The following THRB variants were observed in gnomAD, a reference collection of about 807,000 sequenced individuals.
THRB encodes the protein nuclear receptor subfamily 1 group A member 2.
THRB carries 12 observed loss-of-function variants against 47.8 expected under a neutral mutation model. The ratio of observed to expected loss-of-function variants is 0.25; its 90% CI spans 0.16 to 0.41. The LOEUF (loss-of-function observed/expected upper bound fraction) is 0.41, where lower values mean the gene tolerates loss of function less well. Ranked by LOEUF, THRB falls within the 10% of genes least tolerant of loss-of-function variation. The probability of loss-of-function intolerance (pLI) is 1.00; values close to 1 mark genes in which losing one functional copy is unlikely to be tolerated. For missense variants in THRB, 348 were observed against 589.2 expected, an observed-to-expected ratio of 0.59 and a Z score of 4.24; for synonymous variants, 218 against 212.2, an observed-to-expected ratio of 1.03 and a Z score of -0.24.
chr3:24,436,747 A>G (rs1372424688), intron 1 of THRB, among the ~76,000 whole-genome samples: 2 of 152,088 alleles, frequency 1.3e-5, no homozygotes, highest in African/African-American at 4.8e-5. Flanking sequence ...ACATCTAACC[A>G]CCTGGGCCAA....
At chr3:24,243,563 C>T (rs1361957308) in intron 3 of THRB, among the ~76,000 whole-genome samples, 2 of 152,110 alleles carry the variant, frequency 1.3e-5, no homozygotes. Flanking sequence ...ACCTGAAGTT[C>T]TCGGGATGCC....
Position 24,122,720 on chromosome 3 carries a change from G to T in THRB, c.*164C>A. 1 of 900,856 alleles carries T rather than the reference G, an allele frequency of 1.1e-6. No individual in the cohort carries two copies. Among genetic ancestry groups the T allele is most frequent in the Non-Finnish European group, 1.7e-6 (1 of 577,706 alleles). 55.8% of individuals were successfully genotyped at this position (900,856 alleles called of 1,614,324 possible). A position where few individuals can be genotyped will look rare whatever the true frequency, so the allele number is the denominator to read the frequency against. ...CGAAATGCAATAGTTTCAAGTACCC[G>T]CATTCAAGGGGCAATTTCATCCATG... is the stretch of plus-strand genomic sequence containing the variant. On this transcript the variant is annotated 3_prime_UTR_variant, in exon 11 of 11. Transcript: ENST00000646209.
intron 4 of THRB, among the ~76,000 whole-genome samples, chr3:24,213,008 T>C (rs1465642649): frequency 6.6e-6 from 1 of 152,004 alleles, no homozygotes; most frequent in Non-Finnish European, 1.5e-5. Context: ...TTAAGCGGAG[T>C]GAGCAACTCT....
chr3:24,344,431 A>G (rs1244533257), intron 1 of THRB, among the ~76,000 whole-genome samples: 1 of 152,120 alleles, frequency 6.6e-6, no homozygotes, highest in Non-Finnish European at 1.5e-5. Context: ...CTTGTAGTTG[A>G]TCAACAAGAA....
intron 2 of THRB, among the ~76,000 whole-genome samples, chr3:24,310,458 A>C (rs1398514510): frequency 6.6e-6 from 1 of 152,232 alleles, no homozygotes; most frequent in African/African-American, 2.4e-5. Flanking sequence ...GCTCTACAGC[A>C]GTGATTCTCA....
chr3:24,444,601 C>T (rs1259174761), intron 1 of THRB, among the ~76,000 whole-genome samples: 1 of 152,112 alleles, frequency 6.6e-6, no homozygotes, highest in Non-Finnish European at 1.5e-5. Context: ...CAAAGTACAA[C>T]AAGTTTTGTT....
At chr3:24,277,633 G>C (rs1347257853) in intron 3 of THRB, among the ~76,000 whole-genome samples, 1 of 152,090 alleles carries the variant, frequency 6.6e-6, no homozygotes, top group Non-Finnish European at 1.5e-5. Flanking sequence ...ATCTATACAA[G>C]ATTTTGGGTG....
At chr3:24,264,155 C>T (rs966975530) in intron 3 of THRB, among the ~76,000 whole-genome samples, 1 of 152,186 alleles carries the variant, frequency 6.6e-6, no homozygotes, top group African/African-American at 2.4e-5. Flanking sequence ...TCCTCACTCA[C>T]TCCATTCTAG....
intron 2 of THRB, among the ~76,000 whole-genome samples, chr3:24,310,935 A>G (rs1337452072): frequency 6.6e-6 from 1 of 152,194 alleles, no homozygotes; most frequent in Non-Finnish European, 1.5e-5. Context: ...TAATAGGTAA[A>G]ACAAGAGCTA....
chr3:24,262,618 C>T (rs915618683), intron 3 of THRB, among the ~76,000 whole-genome samples: 1 of 152,198 alleles, frequency 6.6e-6, no homozygotes, highest in Non-Finnish European at 1.5e-5. Flanking sequence ...CAAAGCTTCT[C>T]TCCCAGATAC....
intron 1 of THRB, among the ~76,000 whole-genome samples, chr3:24,386,643 T>C (rs2066130515): frequency 6.6e-6 from 1 of 152,264 alleles, no homozygotes; most frequent in East Asian, 1.9e-4. Context: ...AACAGTTCCC[T>C]TCAGTTTGAA....
At chr3:24,168,490 AATAT>A (rs370230507) in intron 5 of THRB, among the ~76,000 whole-genome samples, 7 of 137,900 alleles carry the variant, frequency 5.1e-5, no homozygotes, top group South Asian at 2.4e-4. Flanking sequence ...TTCAATCAAT[AATAT>A]ATATATATAT....
intron 1 of THRB, among the ~76,000 whole-genome samples, chr3:24,382,405 A>G (rs2065782330): frequency 6.6e-6 from 1 of 152,160 alleles, no homozygotes; most frequent in Non-Finnish European, 1.5e-5. Flanking sequence ...ATAAGGAAAA[A>G]TATCATTAAA....
chr3:24,373,280 A>C lies in THRB; in HGVS notation c.-260-35909T>G, dbSNP rs138715584. Among the ~76,000 whole-genome samples the C allele has an allele frequency of 9.2e-5, 14 of 152,250 alleles. No homozygotes were observed. In the East Asian group the frequency reaches 1.7e-3, roughly 19 times the overall value. ...TGCTCTTTTCTCACGATCTGGAGAG[A>C]TAATGTATGTGCAAACACACTGAAA... On this transcript the variant is annotated intron_variant, in intron 1 of 10. Transcript: ENST00000646209.
intron 5 of THRB, among the ~76,000 whole-genome samples, chr3:24,157,561 CT>C (rs1372219664): frequency 2.0e-5 from 3 of 152,306 alleles, no homozygotes; most frequent in African/African-American, 7.2e-5. Context: ...CAGGGACTCA[CT>C]TCTGTCACCC....
intron 1 of THRB, among the ~76,000 whole-genome samples, chr3:24,408,870 TA>T (rs1336151038): frequency 2.6e-5 from 4 of 151,828 alleles, no homozygotes; most frequent in African/African-American, 9.7e-5. Flanking sequence ...ACACAGGGCT[TA>T]TTTGAACATT....
intron 1 of THRB, among the ~76,000 whole-genome samples, chr3:24,393,251 A>G (rs538387543): frequency 6.6e-6 from 1 of 152,288 alleles, no homozygotes; most frequent in African/African-American, 2.4e-5. Context: ...TTTTTATATC[A>G]TGGCAATGGA....
At chr3:24,169,933 C>T (rs1309291380) in intron 5 of THRB, among the ~76,000 whole-genome samples, 1 of 152,022 alleles carries the variant, frequency 6.6e-6, no homozygotes, top group African/African-American at 2.4e-5. Flanking sequence ...AAATATTTAC[C>T]ACCTGGTATT....
At chr3:24,394,436 C>A (rs1386517932) in intron 1 of THRB, among the ~76,000 whole-genome samples, 1 of 152,076 alleles carries the variant, frequency 6.6e-6, no homozygotes, top group Non-Finnish European at 1.5e-5. Context: ...GAGGGTTTCC[C>A]TACTTCCTGG....
Sources: allele counts gnomAD v4.1 joint callset (sites outside exome capture counted in the v4.1 genomes callset), GRCh38; gene constraint gnomAD v4.1.1; transcripts MANE v1.5; gene names NCBI Gene and HGNC (gene_info 2026-07-23, HGNC 2026-07-21).